Variants in SPATA31H1 observed in about 807,000 individuals in gnomAD.
SPATA31H1 encodes the protein SPATA31 subfamily H member 1.
chr2:27,541,530 G>A, the SPATA31H1 span, among the ~76,000 whole-genome samples: 2 of 151,964 alleles, frequency 1.3e-5, no homozygotes, highest in Admixed American at 6.5e-5. Context: ...TAAGTGCTCC[G>A]TAGTTGTTTG....
At chr2:27,556,701 T>A in the SPATA31H1 span, among the ~76,000 whole-genome samples, 1 of 148,978 alleles carries the variant, frequency 6.7e-6, no homozygotes, top group African/African-American at 2.5e-5. Flanking sequence ...TATTTTTTTT[T>A]TTTTAATTAA....
chr2:27,551,516 C>T, the SPATA31H1 span, among the ~76,000 whole-genome samples: 1 of 151,962 alleles, frequency 6.6e-6, no homozygotes, highest in Admixed American at 6.6e-5. Context: ...AAGAAATCGG[C>T]TCACAAAATT....
chr2:27,551,372 A>G, the SPATA31H1 span, among the ~76,000 whole-genome samples: 6 of 152,034 alleles, frequency 3.9e-5, no homozygotes, highest in African/African-American at 9.7e-5. Context: ...TCACCTCGTT[A>G]TATGAGAGAC....
the SPATA31H1 span, among the ~76,000 whole-genome samples, chr2:27,541,809 CCT>C: frequency 2.0e-5 from 3 of 151,888 alleles, no homozygotes; most frequent in Non-Finnish European, 2.9e-5. Context: ...ACAGGTTCTC[CCT>C]CTGTCACCCA....
the SPATA31H1 span, chr2:27,582,228 C>A: frequency 6.2e-7 from 1 of 1,614,060 alleles, no homozygotes; most frequent in Non-Finnish European, 8.5e-7. Flanking sequence ...GAGAAGCCAT[C>A]GCAGTCCCTC....
At chr2:27,571,323 T>C in the SPATA31H1 span, 1 of 398,376 alleles carries the variant, frequency 2.5e-6, no homozygotes, top group East Asian at 3.6e-5. Flanking sequence ...TCCAGGACCA[T>C]GCCTGGAAAG....
chr2:27,567,330 C>T, the SPATA31H1 span: 1 of 540,172 alleles, frequency 1.9e-6, no homozygotes, highest in African/African-American at 1.9e-5. Flanking sequence ...ACAAACAGCA[C>T]CTTTACCTTT....
At chr2:27,566,187 C>G in the SPATA31H1 span, 1 of 711,694 alleles carries the variant, frequency 1.4e-6, no homozygotes, top group Non-Finnish European at 2.6e-6. Context: ...ACTTCCTTCA[C>G]TGTGATAGCT....
the SPATA31H1 span, among the ~76,000 whole-genome samples, chr2:27,562,359 TA>T: frequency 1.3e-5 from 2 of 149,922 alleles, no homozygotes; most frequent in Non-Finnish European, 3.0e-5. Flanking sequence ...CTACAAAAAA[TA>T]AAAAAAAATT....
At chr2:27,554,285 A>G in the SPATA31H1 span, among the ~76,000 whole-genome samples, 1,621 of 149,184 alleles carry the variant, frequency 0.011, 17 homozygotes, top group Non-Finnish European at 0.015. Context: ...AAACTCTTCC[A>G]CCCTCTTCTC....
chr2:27,579,394 G>T, the SPATA31H1 span: 9 of 1,614,074 alleles, frequency 5.6e-6, no homozygotes, highest in Non-Finnish European at 6.8e-6. Flanking sequence ...CCTTCCCAGA[G>T]CCTGCCAGAG....
the SPATA31H1 span, chr2:27,580,419 A>T: frequency 3.2e-5 from 52 of 1,613,894 alleles, no homozygotes; most frequent in African/African-American, 6.0e-4. Context: ...AACCAAAAAG[A>T]CCTCTGATTC....
chr2:27,541,782 A>C, the SPATA31H1 span, among the ~76,000 whole-genome samples: 1 of 151,960 alleles, frequency 6.6e-6, no homozygotes, highest in East Asian at 1.9e-4. Flanking sequence ...TGACCATTTA[A>C]ATTTTTTATT....
the SPATA31H1 span, chr2:27,582,437 T>G: frequency 6.2e-7 from 1 of 1,614,156 alleles, no homozygotes; most frequent in Admixed American, 1.7e-5. Context: ...ATAGTTTGTC[T>G]AGAGATTTCA....
chr2:27,554,457 T>C, the SPATA31H1 span, among the ~76,000 whole-genome samples: 1 of 152,132 alleles, frequency 6.6e-6, no homozygotes, highest in South Asian at 2.1e-4. Flanking sequence ...AAGTCCAGGA[T>C]TGGGGTGCCA....
At chr2:27,566,070 A>G in the SPATA31H1 span, 1 of 717,540 alleles carries the variant, frequency 1.4e-6, no homozygotes, top group East Asian at 2.7e-5. Flanking sequence ...AAACCTCAGG[A>G]TGGCTTGCAC....
At chr2:27,540,308 C>T in the SPATA31H1 span, among the ~76,000 whole-genome samples, 3 of 117,628 alleles carry the variant, frequency 2.6e-5, no homozygotes, top group Non-Finnish European at 3.7e-5. Flanking sequence ...GGCGGCTGGC[C>T]GGGCAGAGGG....
At chr2:27,543,024 C>T in the SPATA31H1 span, among the ~76,000 whole-genome samples, 3 of 151,862 alleles carry the variant, frequency 2.0e-5, no homozygotes, top group Admixed American at 1.3e-4. Context: ...ACCTGGGAGG[C>T]GGAGGTTGCA....
the SPATA31H1 span, among the ~76,000 whole-genome samples, chr2:27,553,708 G>A: frequency 6.6e-6 from 1 of 151,778 alleles, no homozygotes; most frequent in Non-Finnish European, 1.5e-5. Flanking sequence ...GATCACCTGA[G>A]GTCAGGAGTT....
Sources: allele counts gnomAD v4.1 joint callset (sites outside exome capture counted in the v4.1 genomes callset), GRCh38; gene constraint gnomAD v4.1.1; transcripts MANE v1.5; gene names NCBI Gene and HGNC (gene_info 2026-07-23, HGNC 2026-07-21).